The following FSHR variants were observed in gnomAD, a reference collection of about 807,000 sequenced individuals.
The protein encoded by FSHR is follicle stimulating hormone receptor, also known as follicle-stimulating hormone receptor.
In FSHR, 46 loss-of-function variants were observed where a neutral mutation model predicts 52.1. That is an observed-to-expected ratio of 0.88 (90% CI 0.70 to 1.13). FSHR has a LOEUF of 1.13. Ranked by LOEUF, FSHR falls within the 50% of genes most tolerant of loss-of-function variation. The pLI is 0.00. For synonymous variants in FSHR, 399 were observed against 309.6 expected (o/e 1.29, Z -3.03); for missense variants, 964 against 834.6 (o/e 1.16, Z -1.91).
rs545301046 is a variant in FSHR at position 49,074,599 on chromosome 2, C to G, written c.153-6309G>C. The stretch of plus-strand genomic sequence containing the variant: ...AAACTAGTACAGACACTATAAAAAA[C>G]AGTATGAAGTTTCATCAGTATGAAG... On this transcript the variant is annotated intron_variant, in intron 1 of 9. Coordinates refer to ENST00000406846, the MANE Select transcript of FSHR (RefSeq NM_000145.4). Among the ~76,000 whole-genome samples the G allele has an allele frequency of 3.9e-5, 6 of 152,154 alleles. No homozygotes were observed. The South Asian group carries it at 1.2e-3, about 32-fold the overall frequency.
At chr2:49,020,763 A>C (rs151094857) in intron 2 of FSHR, among the ~76,000 whole-genome samples, 2 of 152,292 alleles carry the variant, frequency 1.3e-5, no homozygotes, top group African/African-American at 4.8e-5. Flanking sequence ...TCTGGCTTTG[A>C]GAGATGAGAA....
At chr2:48,988,113 C>A (rs1675601751) in intron 6 of FSHR, among the ~76,000 whole-genome samples, 1 of 152,058 alleles carries the variant, frequency 6.6e-6, no homozygotes. Flanking sequence ...TCTACTATTT[C>A]TTTTTTCTTT....
chr2:49,038,210 T>G (rs1668340913), intron 2 of FSHR, among the ~76,000 whole-genome samples: 1 of 152,054 alleles, frequency 6.6e-6, no homozygotes, highest in Non-Finnish European at 1.5e-5. Context: ...ATTAAAAGGA[T>G]AATTAAATAA....
chr2:48,963,367 TG>T lies in FSHR; in HGVS notation c.1453del (p.His485MetfsTer7). On this transcript the variant is annotated frameshift_variant, in exon 10 of 10. Transcript: ENST00000406846. LOFTEE classifies it high-confidence loss of function. ...GCCCATCACCATGACACTGGCAGCA[TG>T]GCGGAGCTGCACCTTGCAGTCCAGC... ...MQLDCKVQLR[H>X]AASVMVMGWI... 1 of 1,614,062 alleles carries T rather than the reference TG, an allele frequency of 6.2e-7. No individual in the cohort carries two copies. Among genetic ancestry groups the T allele is most frequent in the Non-Finnish European group, 8.5e-7 (1 of 1,179,994 alleles).
intron 4 of FSHR, among the ~76,000 whole-genome samples, chr2:49,005,717 CCCTATTGAA>C (rs1428266186): frequency 1.3e-5 from 2 of 152,130 alleles, no homozygotes; most frequent in Non-Finnish European, 2.9e-5. Flanking sequence ...AGAAATGTGT[CCCTATTGAA>C]CCATGCCTTT....
intron 4 of FSHR, among the ~76,000 whole-genome samples, chr2:49,000,482 G>C (rs1386149602): frequency 1.3e-5 from 2 of 152,160 alleles, no homozygotes; most frequent in Non-Finnish European, 2.9e-5. Context: ...CCGTGGCTAA[G>C]GCAGAGCTCA....
intron 1 of FSHR, among the ~76,000 whole-genome samples, chr2:49,137,720 T>G (rs1020857763): frequency 6.6e-6 from 1 of 152,126 alleles, no homozygotes; most frequent in Non-Finnish European, 1.5e-5. Context: ...ATGGTCCCAA[T>G]TGTTTAGTAA....
chr2:49,030,617 C>T (rs747056413), intron 2 of FSHR, among the ~76,000 whole-genome samples: 1 of 152,160 alleles, frequency 6.6e-6, no homozygotes, highest in African/African-American at 2.4e-5. Flanking sequence ...ATTTGAGTCA[C>T]ACTGATGGTC....
At chr2:49,128,090 C>T (rs1437756400) in intron 1 of FSHR, among the ~76,000 whole-genome samples, 4 of 151,586 alleles carry the variant, frequency 2.6e-5, no homozygotes, top group Non-Finnish European at 5.9e-5. Context: ...CCATGTTGGC[C>T]AGGCTGGTCT....
intron 6 of FSHR, among the ~76,000 whole-genome samples, chr2:48,986,922 A>T (rs1226868120): frequency 6.6e-6 from 1 of 152,146 alleles, no homozygotes; most frequent in Non-Finnish European, 1.5e-5. Context: ...ATATGAGCAC[A>T]CTCCCACTTA....
chr2:49,141,977 C>T (rs539480938), intron 1 of FSHR, among the ~76,000 whole-genome samples: 10 of 152,320 alleles, frequency 6.6e-5, no homozygotes, highest in African/African-American at 2.2e-4. Context: ...GTAATAGCTA[C>T]AGTGCAAAAT....
At chr2:49,081,763 T>C (rs1376675451) in intron 1 of FSHR, among the ~76,000 whole-genome samples, 3 of 152,222 alleles carry the variant, frequency 2.0e-5, no homozygotes, top group Non-Finnish European at 4.4e-5. Flanking sequence ...GGAAGCTTTA[T>C]GATTCTCTTA....
chr2:48,971,881 C>T (rs1356553645), intron 8 of FSHR, among the ~76,000 whole-genome samples: 1 of 152,132 alleles, frequency 6.6e-6, no homozygotes, highest in South Asian at 2.1e-4. Context: ...TTGCTGGTTC[C>T]TCCATGACCT....
chr2:48,982,284 G>C (rs1207467193), intron 8 of FSHR, among the ~76,000 whole-genome samples: 2 of 152,160 alleles, frequency 1.3e-5, no homozygotes, highest in African/African-American at 4.8e-5. Flanking sequence ...GTCACTTTTG[G>C]AGGGAAAGAT....
chr2:49,035,895 ATTTC>A (rs1668254992), intron 2 of FSHR, among the ~76,000 whole-genome samples: 2 of 152,210 alleles, frequency 1.3e-5, no homozygotes, highest in South Asian at 4.1e-4. Flanking sequence ...GTAGATAGGT[ATTTC>A]TTAGATCATA....
chr2:49,053,946 A>G (rs1165250231), intron 2 of FSHR, among the ~76,000 whole-genome samples: 1 of 152,156 alleles, frequency 6.6e-6, no homozygotes, highest in Non-Finnish European at 1.5e-5. Flanking sequence ...GATTAGGGAG[A>G]TTAGTATTAG....
intron 8 of FSHR, among the ~76,000 whole-genome samples, chr2:48,969,605 T>C (rs1674642267): frequency 6.6e-6 from 1 of 152,216 alleles, no homozygotes; most frequent in Admixed American, 6.5e-5. Flanking sequence ...TGAGTTAAAG[T>C]GCATAAAGAA....
intron 1 of FSHR, among the ~76,000 whole-genome samples, chr2:49,074,121 T>C (rs1669858823): frequency 6.6e-6 from 1 of 151,978 alleles, no homozygotes; most frequent in African/African-American, 2.4e-5. Flanking sequence ...AGAGCATTGG[T>C]CTGGGAAAAG....
rs567302524 is a variant in FSHR at position 49,010,130 on chromosome 2, T to C, written c.374+7359A>G. Among the ~76,000 whole-genome samples the C allele has an allele frequency of 2.0e-3, 157 of 77,382 alleles. 7 individuals carry two copies. The highest frequency in any genetic ancestry group is 8.1e-3 in the Admixed American group (46 of 5,676). 50.8% of individuals were successfully genotyped at this position (77,382 alleles called of 152,430 possible). A position where few individuals can be genotyped will look rare whatever the true frequency, so the allele number is the denominator to read the frequency against. Reference sequence around the variant, plus strand: ...CAGTTTTCAAAGGGAATGCTTCCAGTTTTTGCCCATTCAGTATGATATTGG... The same window carrying C: ...CAGTTTTCAAAGGGAATGCTTCCAGCTTTTGCCCATTCAGTATGATATTGG... On this transcript the variant is annotated intron_variant, in intron 4 of 9. Transcript: ENST00000406846.
Sources: allele counts gnomAD v4.1 joint callset (sites outside exome capture counted in the v4.1 genomes callset), GRCh38; gene constraint gnomAD v4.1.1; transcripts MANE v1.5; gene names NCBI Gene and HGNC (gene_info 2026-07-23, HGNC 2026-07-21).